Variants in TPCN1 observed in about 807,000 individuals in gnomAD.
TPCN1 encodes the protein two pore channel protein 1.
In TPCN1, 52 loss-of-function variants were observed where a neutral mutation model predicts 108.8. The ratio of observed to expected loss-of-function variants is 0.48; its 90% CI spans 0.38 to 0.60. The LOEUF is 0.60. TPCN1 is among the 20% of genes least tolerant of loss of function. The pLI is 0.00. For missense variants in TPCN1, 806 were observed against 1,072.8 expected (o/e 0.75, Z 3.47); for synonymous variants, 446 against 433.7 (o/e 1.03, Z -0.35).
At position 113,266,329 on chromosome 12, in the gene TPCN1, C is replaced by T. The variant is rs200870024; in HGVS notation, c.387C>T (p.Ala129=). ...LLLLSLCEAP[A]VPALRLGIYV... ...TGCTCTCCCTGTGCGAGGCCCCCGC[C>T]GTCCCCGCACTCCGGCTTGGCATCT... is the stretch of plus-strand genomic sequence containing the variant. Residue 129 remains alanine, a synonymous_variant, in exon 4 of 28, where the codon GCC becomes GCT. Transcript: ENST00000335509. The surrounding 1 kb of genome is among the most constrained non-coding windows in gnomAD (Gnocchi z 4.2). The T allele has an allele frequency of 2.0e-4, 318 of 1,610,010 alleles. 2 individuals carry two copies. The Admixed American group carries it at 2.9e-3, about 15-fold the overall frequency.
chr12:113,242,676 T>C (rs934496378), intron 2 of TPCN1, among the ~76,000 whole-genome samples: 1 of 152,168 alleles, frequency 6.6e-6, no homozygotes, highest in African/African-American at 2.4e-5. Context: ...CAGAACCCTC[T>C]GCAGTTTCTC....
chr12:113,256,252 A>G (rs1954827976), intron 2 of TPCN1, among the ~76,000 whole-genome samples: 3 of 152,136 alleles, frequency 2.0e-5, no homozygotes, highest in East Asian at 3.9e-4. Flanking sequence ...GACTAATTCT[A>G]AAGTTCATAT....
rs1054986916 is a variant in TPCN1, at chr12:113,288,856, GC to G, written c.1796+13del. Reference sequence around the variant, plus strand: ...TTCCCCAACTGCTGCAAGTGAGTAGGCCCCACCCAGCCCCAGGCAGCCTGCA... The same window carrying G: ...TTCCCCAACTGCTGCAAGTGAGTAGGCCCACCCAGCCCCAGGCAGCCTGCA... On this transcript the variant is annotated intron_variant, in intron 21 of 27. Coordinates refer to ENST00000335509, the MANE Select transcript of TPCN1 (RefSeq NM_017901.6). This position sits in a 1 kb window ranked among gnomAD's most constrained non-coding sequence, Gnocchi z 4.8. 16 of 1,612,710 alleles carry G rather than the reference GC, an allele frequency of 9.9e-6. No individual in the cohort carries two copies. The highest frequency in any genetic ancestry group is 1.3e-5 in the African/African-American group (1 of 74,920).
Position 113,231,409 on chromosome 12 carries a change from G to A in TPCN1, c.112+4445G>A, listed in dbSNP as rs142798046. Among the ~76,000 whole-genome samples the A allele has an allele frequency of 4.4e-3, 664 of 152,250 alleles. 8 individuals are homozygous for A. The highest frequency in any genetic ancestry group is 0.015 in the African/African-American group (618 of 41,544). On this transcript the variant is annotated intron_variant, in intron 2 of 27. Transcript: ENST00000335509. The surrounding 1 kb of genome is among the most constrained non-coding windows in gnomAD (Gnocchi z 4.3). The stretch of plus-strand genomic sequence containing the variant: ...CTGTGTGTCTGTCCTCTTCAGATAA[G>A]GACACCAGTCCTATTGGATTAGGGC...
chr12:113,293,500 C>T, intron 27 of TPCN1, 151 bp downstream of exon 27: 1 of 790,066 alleles, frequency 1.3e-6, no homozygotes, highest in African/African-American at 1.7e-5. Context: ...TTGTGTGGGA[C>T]CTGAGCGGGG....
rs527750390 is a variant in TPCN1, at chr12:113,288,581, C to T, written c.1707-177C>T. On this transcript the variant is annotated intron_variant, in intron 20 of 27. Transcript: ENST00000335509. This position sits in a 1 kb window ranked among gnomAD's most constrained non-coding sequence, Gnocchi z 4.8. ...TTTGTTCATAGCGTCCTGACTTGAG[C>T]TGTTTTTCACCCCAGAGCTGCCCCA... 8.2e-6 allele frequency: 12 copies of T among 1,471,842 alleles called. No individual in the cohort carries two copies. The South Asian group carries it at 9.5e-5, about 12-fold the overall frequency. 91.2% of individuals were successfully genotyped at this position (1,471,842 alleles called of 1,614,324 possible). A position where few individuals can be genotyped will look rare whatever the true frequency, so the allele number is the denominator to read the frequency against.
chr12:113,226,265 T>A (rs1170284569), intron 1 of TPCN1, among the ~76,000 whole-genome samples: 2 of 152,108 alleles, frequency 1.3e-5, no homozygotes, highest in South Asian at 2.1e-4. Context: ...TATTATTTTT[T>A]AAATTAAGAT....
chr12:113,238,059 T>C (rs1953960945), intron 2 of TPCN1, among the ~76,000 whole-genome samples: 1 of 152,192 alleles, frequency 6.6e-6, no homozygotes, highest in Non-Finnish European at 1.5e-5. Context: ...AGGAAGTTCT[T>C]AGTCTGTTCA....
chr12:113,269,659 T>C lies in TPCN1; in HGVS notation c.660-98T>C. 1 of 1,039,262 alleles carries C rather than the reference T, an allele frequency of 9.6e-7. No individual in the cohort carries two copies. The allele number at this position is 1,039,262 out of a possible 1,614,324, so 64.4% of individuals were successfully genotyped here. On this transcript the variant is annotated intron_variant, in intron 6 of 27. Coordinates refer to ENST00000335509, the MANE Select transcript of TPCN1 (RefSeq NM_017901.6). The surrounding 1 kb of genome is among the most constrained non-coding windows in gnomAD (Gnocchi z 5.0). ...ACCAGAGTGCGTCAGGGTTTAGTAT[T>C]TCGAGTCAGAAGCACTAGGCCTCCA...
Position 113,288,507 on chromosome 12 carries a change from C to A in TPCN1, c.1707-251C>A. Reference sequence around the variant, plus strand: ...TCTACATTCACAGGTAAGGGGTCACCTGTGAGTCTACCTTCACAGGTAAGG... The same window carrying A: ...TCTACATTCACAGGTAAGGGGTCACATGTGAGTCTACCTTCACAGGTAAGG... On this transcript the variant is annotated intron_variant, in intron 20 of 27. Transcript: ENST00000335509. The surrounding 1 kb of genome is among the most constrained non-coding windows in gnomAD (Gnocchi z 4.8). The A allele has an allele frequency of 6.7e-7, 1 of 1,500,356 alleles. No homozygotes were observed. Among genetic ancestry groups the A allele is most frequent in the Non-Finnish European group, 8.9e-7 (1 of 1,127,628 alleles). The allele number at this position is 1,500,356 out of a possible 1,614,324, so 92.9% of individuals were successfully genotyped here.
Position 113,285,977 on chromosome 12 carries a change from G to A in TPCN1, c.1526+16G>A. On this transcript the variant is annotated intron_variant, in intron 18 of 27. Transcript: ENST00000335509. ...GATGGAACTTGTGAGTGGACAGCAT[G>A]TTTCTGACCCAAAGCTGAGACTCTT... is the stretch of plus-strand genomic sequence containing the variant. The A allele has an allele frequency of 6.2e-7, 1 of 1,610,978 alleles. No homozygotes were observed. The highest frequency in any genetic ancestry group is 1.1e-5 in the South Asian group (1 of 91,036).
At chr12:113,253,695 C>A (rs1301525600) in intron 2 of TPCN1, among the ~76,000 whole-genome samples, 1 of 152,114 alleles carries the variant, frequency 6.6e-6, no homozygotes, top group Non-Finnish European at 1.5e-5. Context: ...ATTTTTATAA[C>A]CTCAGAAGTC....
At chr12:113,279,524 G>C (rs748863142) in intron 14 of TPCN1, among the ~76,000 whole-genome samples, 44 of 144,878 alleles carry the variant, frequency 3.0e-4, no homozygotes, top group Non-Finnish European at 2.1e-4. Flanking sequence ...TCAGCCTCCC[G>C]AGTAGCTGGG....
In TPCN1 at chr12:113,272,822, G is replaced by A; in HGVS notation, c.783+130G>A. Reference sequence around the variant, plus strand: ...CCTGGTTTCTCATCATAGCTTGTGTGTGCATTGCACCTGGGAGTTCCCATC... The same window carrying A: ...CCTGGTTTCTCATCATAGCTTGTGTATGCATTGCACCTGGGAGTTCCCATC... On this transcript the variant is annotated intron_variant, in intron 8 of 27. Coordinates refer to ENST00000335509, the MANE Select transcript of TPCN1 (RefSeq NM_017901.6). This position sits in a 1 kb window ranked among gnomAD's most constrained non-coding sequence, Gnocchi z 4.1. 1 of 900,608 alleles carries A rather than the reference G, an allele frequency of 1.1e-6. No individual in the cohort carries two copies. The highest frequency in any genetic ancestry group is 1.8e-5 in the Admixed American group (1 of 55,744). 55.8% of individuals were successfully genotyped at this position (900,608 alleles called of 1,614,324 possible).
rs1187192756 is a variant in TPCN1 at position 113,273,428 on chromosome 12, C to T, written c.842+138C>T. On this transcript the variant is annotated intron_variant, in intron 9 of 27. Transcript: ENST00000335509. This position sits in a 1 kb window ranked among gnomAD's most constrained non-coding sequence, Gnocchi z 4.0. Reference sequence around the variant, plus strand: ...TGGGAGACAGGGTTGGCCCACTGAGCACGGAGCCCAGGGATGAGAGTAGGG... The same window carrying T: ...TGGGAGACAGGGTTGGCCCACTGAGTACGGAGCCCAGGGATGAGAGTAGGG... 8.0e-7 allele frequency: 1 copy of T among 1,255,862 alleles called. No homozygotes were observed. The highest frequency in any genetic ancestry group is 1.5e-5 in the African/African-American group (1 of 67,762). The allele number at this position is 1,255,862 out of a possible 1,614,324, so 77.8% of individuals were successfully genotyped here. A position where few individuals can be genotyped will look rare whatever the true frequency, so the allele number is the denominator to read the frequency against.
intron 12 of TPCN1, 24 bp downstream of exon 12, chr12:113,277,388 G>T (rs1216834314): frequency 6.2e-7 from 1 of 1,613,658 alleles, no homozygotes; most frequent in Admixed American, 1.7e-5. Flanking sequence ...CCTGGTAGGG[G>T]CAGCATGGCC....
chr12:113,288,810 G>A lies in TPCN1; in HGVS notation c.1759G>A (p.Glu587Lys). The A allele has an allele frequency of 1.9e-6, 3 of 1,613,634 alleles. No homozygotes were observed. Among genetic ancestry groups the A allele is most frequent in the Non-Finnish European group, 2.5e-6 (3 of 1,180,038 alleles). Residue 587 changes from glutamate to lysine, a missense_variant, in exon 21 of 28, where the codon GAG (glutamate) becomes AAG (lysine). Transcript: ENST00000335509. The surrounding 1 kb of genome is among the most constrained non-coding windows in gnomAD (Gnocchi z 4.8). ...CTACTCCTTCGCCATCGTGGGCATG[G>A]AGTTCTTCTGCGGGATCGTCTTCCC... Reference protein sequence around the residue: ...FYYSFAIVGMEFFCGIVFPNC... With the variant: ...FYYSFAIVGMKFFCGIVFPNC...
Position 113,269,920 on chromosome 12 carries a change from G to T in TPCN1, c.748+75G>T. 6.7e-7 allele frequency: 1 copy of T among 1,487,068 alleles called. No homozygotes were observed. Among genetic ancestry groups the T allele is most frequent in the South Asian group, 1.1e-5 (1 of 87,482 alleles). The allele number at this position is 1,487,068 out of a possible 1,614,324, so 92.1% of individuals were successfully genotyped here. The stretch of plus-strand genomic sequence containing the variant: ...GTGGATGAAAAATTATTTTGGGCCT[G>T]GCTCAGTGGCTCACGCCTGTAATCC... On this transcript the variant is annotated intron_variant, in intron 7 of 27. Transcript: ENST00000335509. The surrounding 1 kb of genome is among the most constrained non-coding windows in gnomAD (Gnocchi z 5.0).
chr12:113,244,439 A>G, intron 2 of TPCN1: 9 of 985,440 alleles, frequency 9.1e-6, no homozygotes, highest in Non-Finnish European at 1.1e-5. Flanking sequence ...TCCACCTTCC[A>G]TACCATCTTG....
Sources: allele counts gnomAD v4.1 joint callset (sites outside exome capture counted in the v4.1 genomes callset), GRCh38; gene constraint gnomAD v4.1.1; non-coding constraint Gnocchi (gnomAD v3.1); transcripts MANE v1.5; gene names NCBI Gene and HGNC (gene_info 2026-07-23, HGNC 2026-07-21).